The following COL21A1 variants were observed in gnomAD, a reference collection of about 807,000 sequenced individuals.
COL21A1 encodes the protein collagen type XXI alpha 1 chain.
In COL21A1, 149 loss-of-function variants were observed where a neutral mutation model predicts 137.9. The ratio of observed to expected loss-of-function variants is 1.08; its 90% CI spans 0.95 to 1.24. The LOEUF (loss-of-function observed/expected upper bound fraction) is 1.24, where lower values mean the gene tolerates loss of function less well. Ranked by LOEUF, COL21A1 falls within the 50% of genes most tolerant of loss-of-function variation. The pLI is 0.00. For missense variants in COL21A1, 1,167 were observed against 1,158.4 expected, an observed-to-expected ratio of 1.01 and a Z score of -0.11; for synonymous variants, 456 against 391.5, an observed-to-expected ratio of 1.16 and a Z score of -1.95.
chr6:56,245,334 G>A (rs1782575543), intron 1 of COL21A1, among the ~76,000 whole-genome samples: 1 of 152,086 alleles, frequency 6.6e-6, no homozygotes, highest in Non-Finnish European at 1.5e-5. Flanking sequence ...AAAAAACCTA[G>A]GCTATTGATT....
In COL21A1 at chr6:56,320,535, A is replaced by G. The variant is rs899274396; in HGVS notation, c.-39+73436T>C. Among the ~76,000 whole-genome samples, 5 of 151,704 alleles carry G rather than the reference A, an allele frequency of 3.3e-5. No individual in the cohort carries two copies. The East Asian group carries it at 9.7e-4, about 29-fold the overall frequency. The stretch of plus-strand genomic sequence containing the variant: ...ACAATCTGAACACACACACACACAC[A>G]CACACACACACACCCCTCCCACTCT... On this transcript the variant is annotated intron_variant, in intron 1 of 28. Coordinates refer to the COL21A1 transcript ENST00000370819.
chr6:56,356,944 A>C (rs1015079699), intron 1 of COL21A1, among the ~76,000 whole-genome samples: 14 of 152,222 alleles, frequency 9.2e-5, no homozygotes, highest in African/African-American at 3.4e-4. Context: ...ACATTTTATC[A>C]GTACTTTTAC....
intron 1 of COL21A1, among the ~76,000 whole-genome samples, chr6:56,358,214 C>T (rs1252168416): frequency 6.6e-6 from 1 of 152,094 alleles, no homozygotes; most frequent in Non-Finnish European, 1.5e-5. Flanking sequence ...AGTGCAGTGG[C>T]TCACACCTAG....
chr6:56,374,532 G>A lies in COL21A1; in HGVS notation c.-39+19439C>T, dbSNP rs949010275. Among the ~76,000 whole-genome samples, 7 of 152,054 alleles carry A rather than the reference G, an allele frequency of 4.6e-5. No individual in the cohort carries two copies. In the East Asian group the frequency reaches 1.2e-3, roughly 25 times the overall value. On this transcript the variant is annotated intron_variant, in intron 1 of 28. Transcript: ENST00000370819. ...AAGGTCAAGAGATTGAGACCATCCT[G>A]GCCAACATGGTGAAACCCCATCTCT...
At chr6:56,314,190 G>A (rs1175362116) in intron 1 of COL21A1, among the ~76,000 whole-genome samples, 2 of 152,050 alleles carry the variant, frequency 1.3e-5, no homozygotes, top group African/African-American at 2.4e-5. Flanking sequence ...TCACCATGTT[G>A]GTCAGGATGA....
intron 9 of COL21A1, among the ~76,000 whole-genome samples, chr6:56,158,744 A>C (rs1307476591): frequency 1.3e-5 from 2 of 152,158 alleles, no homozygotes; most frequent in African/African-American, 4.8e-5. Flanking sequence ...AGTGAACTCT[A>C]ATAAGGAACC....
At chr6:56,308,262 A>G (rs1307381402) in intron 1 of COL21A1, among the ~76,000 whole-genome samples, 1 of 152,196 alleles carries the variant, frequency 6.6e-6, no homozygotes, top group African/African-American at 2.4e-5. Context: ...ATCTTCTTCC[A>G]TCTTCTGCCA....
chr6:56,098,805 T>A lies in COL21A1; in HGVS notation c.1812+2667A>T, dbSNP rs1381620032. Among the ~76,000 whole-genome samples, 4 of 144,026 alleles carry A rather than the reference T, an allele frequency of 2.8e-5. No individual in the cohort carries two copies. In the East Asian group the frequency reaches 8.1e-4, roughly 29 times the overall value. 94.5% of individuals were successfully genotyped at this position (144,026 alleles called of 152,430 possible). A position where few individuals can be genotyped will look rare whatever the true frequency, so the allele number is the denominator to read the frequency against. On this transcript the variant is annotated intron_variant, in intron 17 of 29. Coordinates refer to ENST00000244728, the MANE Select transcript of COL21A1 (RefSeq NM_030820.4). ...ATCTTGGCTCACCGCAACCCCCACC[T>A]CCCAGGTTCAAGCGATTCTCCTGCC...
At chr6:56,260,058 C>A (rs902322160) in intron 1 of COL21A1, among the ~76,000 whole-genome samples, 1 of 152,152 alleles carries the variant, frequency 6.6e-6, no homozygotes, top group Non-Finnish European at 1.5e-5. Context: ...TACCTCCCCA[C>A]CACACACATA....
chr6:56,387,954 G>A (rs1375030992), intron 1 of COL21A1, among the ~76,000 whole-genome samples: 1 of 152,172 alleles, frequency 6.6e-6, no homozygotes, highest in Non-Finnish European at 1.5e-5. Flanking sequence ...CCAAGGGAGT[G>A]CCTGCATCAT....
intron 9 of COL21A1, among the ~76,000 whole-genome samples, chr6:56,163,527 G>A (rs978688821): frequency 2.6e-5 from 4 of 152,030 alleles, no homozygotes; most frequent in Non-Finnish European, 5.9e-5. Context: ...TTGCCAACAC[G>A]GTGAAACCCC....
At chr6:56,112,680 C>CTTTTTTTTTTT (rs777172358) in intron 16 of COL21A1, among the ~76,000 whole-genome samples, 1 of 129,678 alleles carries the variant, frequency 7.7e-6, no homozygotes, top group Non-Finnish European at 1.7e-5. Flanking sequence ...TTTTTCTTTT[C>CTTTTTTTTTTT]TTTTTTCTTT....
chr6:56,177,480 A>G lies in COL21A1; in HGVS notation c.640+2098T>C, dbSNP rs533415335. Among the ~76,000 whole-genome samples the G allele has an allele frequency of 3.9e-5, 6 of 152,300 alleles. No individual in the cohort carries two copies. The South Asian group carries it at 1.2e-3, about 32-fold the overall frequency. ...AATGTTTTAGTTTAATGCATTAATC[A>G]TACTCTAATACAGTATAAAATGTCA... is the stretch of plus-strand genomic sequence containing the variant. On this transcript the variant is annotated intron_variant, in intron 3 of 29. Transcript: ENST00000244728.
At chr6:56,078,521 C>T (rs1196505671) in intron 17 of COL21A1, among the ~76,000 whole-genome samples, 1 of 151,666 alleles carries the variant, frequency 6.6e-6, no homozygotes, top group African/African-American at 2.4e-5. Flanking sequence ...AAGCAGTACT[C>T]TTCAGTAAAT....
intron 1 of COL21A1, among the ~76,000 whole-genome samples, chr6:56,219,718 G>C (rs1463557184): frequency 6.6e-6 from 1 of 152,096 alleles, no homozygotes; most frequent in Admixed American, 6.6e-5. Flanking sequence ...GATATCATCA[G>C]GATACATTTC....
intron 1 of COL21A1, among the ~76,000 whole-genome samples, chr6:56,242,868 C>G (rs1489519264): frequency 1.3e-5 from 2 of 152,144 alleles, no homozygotes; most frequent in Non-Finnish European, 2.9e-5. Context: ...ATAAGTGGAA[C>G]AGGTATAACT....
chr6:56,092,891 C>T (rs879787260), intron 17 of COL21A1, among the ~76,000 whole-genome samples: 1 of 152,018 alleles, frequency 6.6e-6, no homozygotes, highest in African/African-American at 2.4e-5. Context: ...GCTGTGTGTC[C>T]CCCAGAAGCT....
At chr6:56,239,129 T>G (rs570228195) in intron 1 of COL21A1, among the ~76,000 whole-genome samples, 22 of 152,336 alleles carry the variant, frequency 1.4e-4, no homozygotes, top group African/African-American at 5.3e-4. Flanking sequence ...AGCATGTAAC[T>G]ATTTTTTTGC....
intron 17 of COL21A1, among the ~76,000 whole-genome samples, chr6:56,098,666 A>T (rs199807367): frequency 0.15 from 2,249 of 15,228 alleles, 868 homozygotes; most frequent in East Asian, 0.3. Context: ...AATATATATA[A>T]ATATATATAT....
Sources: allele counts gnomAD v4.1 joint callset (sites outside exome capture counted in the v4.1 genomes callset), GRCh38; gene constraint gnomAD v4.1.1; transcripts MANE v1.5; gene names NCBI Gene and HGNC (gene_info 2026-07-23, HGNC 2026-07-21).